The following AHRR variants were observed in gnomAD, a reference collection of about 807,000 sequenced individuals.
AHRR encodes aryl hydrocarbon receptor repressor.
In AHRR, 28 loss-of-function variants were observed where a neutral mutation model predicts 44.0. The ratio of observed to expected loss-of-function variants is 0.64; its 90% CI spans 0.47 to 0.87. The LOEUF (loss-of-function observed/expected upper bound fraction) is 0.87. AHRR is among the 40% of genes least tolerant of loss of function. AHRR has a pLI of 0.00. For synonymous variants in AHRR, 434 were observed against 407.0 expected (o/e 1.07, Z -0.80); for missense variants, 990 against 953.9 (o/e 1.04, Z -0.50).
intron 4 of AHRR, chr5:403,648 A>AG: frequency 1.9e-6 from 1 of 521,016 alleles, no homozygotes; most frequent in South Asian, 2.3e-5. Context: ...AGAAAAAAAA[A>AG]AAAAAAGTAA....
At chr5:366,751 G>A (rs1480567139) in intron 3 of AHRR, among the ~76,000 whole-genome samples, 1 of 152,226 alleles carries the variant, frequency 6.6e-6, no homozygotes, top group Non-Finnish European at 1.5e-5. Flanking sequence ...TGAGTGGGTG[G>A]AGCACAGCAT....
rs867172123 is a variant in AHRR, at chr5:399,589, G to A, written c.352-13755G>A. Among the ~76,000 whole-genome samples the A allele has an allele frequency of 3.3e-5, 5 of 152,312 alleles. No homozygotes were observed. The East Asian group carries it at 7.7e-4, about 24-fold the overall frequency. On this transcript the variant is annotated intron_variant, in intron 4 of 10. Transcript: ENST00000684583. ...GCCCTCACAGACGCTCACTGTTGCC[G>A]TCCCATCTTTCGCAGGAGGAAACCA...
intron 5 of AHRR, among the ~76,000 whole-genome samples, chr5:415,376 T>C (rs112132768): frequency 0.13 from 5,737 of 44,380 alleles, 47 homozygotes; most frequent in Non-Finnish European, 0.21. Flanking sequence ...CCTGGTCGGG[T>C]GGGAGGCCTA....
chr5:374,311 G>C (rs1255942793), intron 3 of AHRR, among the ~76,000 whole-genome samples: 1 of 152,234 alleles, frequency 6.6e-6, no homozygotes, highest in East Asian at 1.9e-4. Flanking sequence ...CACCCGGGGC[G>C]CCTCTTGCCC....
intron 1 of AHRR, among the ~76,000 whole-genome samples, chr5:322,996 G>C (rs1171611981): frequency 2.6e-5 from 4 of 152,250 alleles, no homozygotes; most frequent in Admixed American, 2.6e-4. Context: ...AGTGCTGTCA[G>C]CTCACAGCCT....
chr5:387,366 T>C lies in AHRR; in HGVS notation c.351+10650T>C, dbSNP rs1403237859. 6.6e-6 allele frequency among the ~76,000 whole-genome samples: 1 copy of C among 152,238 alleles called. No homozygotes were observed. The highest frequency in any genetic ancestry group is 1.5e-5 in the Non-Finnish European group (1 of 68,042). ...GCTGCATGGTTCTGTGCAAACAGGC[T>C]TGCTGCCAGGACAAAGTGGTGAGAG... On this transcript the variant is annotated intron_variant, in intron 4 of 10. Transcript: ENST00000684583. The surrounding 1 kb of genome is among the most constrained non-coding windows in gnomAD (Gnocchi z 5.1).
chr5:434,484 G>A lies in AHRR; in HGVS notation c.1744G>A (p.Val582Met), dbSNP rs780127943. Reference protein sequence around the residue: ...LKTEPDSRQQVYISHLGHGVR... With the variant: ...LKTEPDSRQQMYISHLGHGVR... ...AACAGAGCCAGACTCTCGGCAACAG[G>A]TGTACATCTCGCACCTGGGGCACGG... Residue 582 changes from valine to methionine, a missense_variant, in exon 11 of 11, where the codon GTG becomes ATG. Val to Met is a conservative substitution (Grantham distance 21, BLOSUM62 1). Coordinates refer to ENST00000684583, the MANE Select transcript of AHRR (RefSeq NM_001377236.1). The A allele has an allele frequency of 5.6e-6, 9 of 1,613,262 alleles. No individual in the cohort carries two copies. The highest frequency in any genetic ancestry group is 7.6e-6 in the Non-Finnish European group (9 of 1,180,016).
rs1734054748 is a variant in AHRR, at chr5:383,228, A to G, written c.351+6512A>G. On this transcript the variant is annotated intron_variant, in intron 4 of 10. Coordinates refer to ENST00000684583, the MANE Select transcript of AHRR (RefSeq NM_001377236.1). This position sits in a 1 kb window ranked among gnomAD's most constrained non-coding sequence, Gnocchi z 4.0. Reference sequence around the variant, plus strand: ...TGCACTGGGAAAATAGGGGTATTCCACTGTCATTGTGTGAGTTGTTCTGTA... The same window carrying G: ...TGCACTGGGAAAATAGGGGTATTCCGCTGTCATTGTGTGAGTTGTTCTGTA... Among the ~76,000 whole-genome samples, 1 of 152,224 alleles carries G rather than the reference A, an allele frequency of 6.6e-6. No homozygotes were observed. Among genetic ancestry groups the G allele is most frequent in the Admixed American group, 6.5e-5 (1 of 15,280 alleles).
chr5:432,074 G>A (rs1022100133), intron 8 of AHRR: 6 of 254,440 alleles, frequency 2.4e-5, no homozygotes, highest in Non-Finnish European at 4.6e-5. Context: ...GTGTGAGTTG[G>A]TCTCCAACTC....
intron 1 of AHRR, 90 bp from the exon 2 acceptor site, chr5:343,802 GC>G: frequency 7.3e-7 from 1 of 1,372,642 alleles, no homozygotes; most frequent in Non-Finnish European, 9.9e-7. Flanking sequence ...GTGTGGGGGC[GC>G]CAGGACCGCG....
chr5:371,787 C>G (rs1743589350), intron 3 of AHRR, among the ~76,000 whole-genome samples: 2 of 152,208 alleles, frequency 1.3e-5, no homozygotes, highest in South Asian at 4.1e-4. Context: ...GGATGATTCC[C>G]TAGAGGGAGT....
chr5:322,306 C>CA lies in AHRR; in HGVS notation c.-11+487_-11+488insA, dbSNP rs1392650162. 2.0e-5 allele frequency among the ~76,000 whole-genome samples: 3 copies of CA among 152,190 alleles called. No individual in the cohort carries two copies. In the East Asian group the frequency reaches 5.8e-4, roughly 29 times the overall value. On this transcript the variant is annotated intron_variant, in intron 1 of 10. Transcript: ENST00000684583. The stretch of plus-strand genomic sequence containing the variant: ...TCCCAGACCGGATGCCCTGAGAGAG[C>CA]GATGTGGCGCCTGGAGTCCACGCTG...
At chr5:325,005 T>C (rs985240783) in intron 1 of AHRR, among the ~76,000 whole-genome samples, 6 of 152,168 alleles carry the variant, frequency 3.9e-5, no homozygotes, top group African/African-American at 1.4e-4. Context: ...TGGGAGAACG[T>C]GGCTTTGCCC....
intron 1 of AHRR, among the ~76,000 whole-genome samples, chr5:327,983 G>T (rs1242736634): frequency 1.3e-5 from 2 of 151,972 alleles, no homozygotes; most frequent in Non-Finnish European, 2.9e-5. Flanking sequence ...CCCTCCCTGT[G>T]TCCATGCGTT....
chr5:363,904 T>C (rs1028309574), intron 3 of AHRR, among the ~76,000 whole-genome samples: 9 of 152,326 alleles, frequency 5.9e-5, no homozygotes, highest in African/African-American at 1.7e-4. Flanking sequence ...ATGGGAACAA[T>C]TGGCACTTCT....
intron 4 of AHRR, among the ~76,000 whole-genome samples, chr5:392,907 G>A (rs1346175355): frequency 6.6e-6 from 1 of 152,058 alleles, no homozygotes; most frequent in East Asian, 1.9e-4. Flanking sequence ...CCTTCTCGGT[G>A]TAGGTGCCTC....
rs1309949093 is a variant in AHRR at position 427,927 on chromosome 5, T to C, written c.829T>C (p.Ser277Pro). ...FCIAAPVLLP[S>P]AAEMKMRSAL... ...CATTGCGGCACCCGTTCTCCTCCCC[T>C]CCGCAGCGGAGATGAAAATGAGGAG... The change falls in exon 8 of 11, where the codon TCC becomes CCC. Residue 277 changes from serine (S) to proline (P), a missense_variant. By Grantham distance (74) the Ser-to-Pro change is moderately conservative. Transcript: ENST00000684583. The C allele has an allele frequency of 6.2e-6, 10 of 1,613,828 alleles. No individual in the cohort carries two copies. The highest frequency in any genetic ancestry group is 6.8e-6 in the Non-Finnish European group (8 of 1,180,032).
chr5:334,125 CT>C (rs1457580142), intron 1 of AHRR, among the ~76,000 whole-genome samples: 1 of 152,114 alleles, frequency 6.6e-6, no homozygotes, highest in Non-Finnish European at 1.5e-5. Flanking sequence ...TGACTAGATG[CT>C]TTTCTCTTGA....
At chr5:362,412 T>C (rs1397146182) in intron 3 of AHRR, among the ~76,000 whole-genome samples, 2 of 152,270 alleles carry the variant, frequency 1.3e-5, no homozygotes, top group African/African-American at 2.4e-5. Context: ...TTTCTCATCC[T>C]GCGGTGGGCA....
Sources: allele counts gnomAD v4.1 joint callset (sites outside exome capture counted in the v4.1 genomes callset), GRCh38; gene constraint gnomAD v4.1.1; non-coding constraint Gnocchi (gnomAD v3.1); transcripts MANE v1.5; gene names NCBI Gene and HGNC (gene_info 2026-07-23, HGNC 2026-07-21).